Variants in EPB41L4A observed in about 807,000 individuals in gnomAD.
EPB41L4A encodes the protein band 4.1-like protein 4A.
Under a neutral mutation model 108.6 loss-of-function variants are expected in EPB41L4A, and 100 were observed. That is an observed-to-expected ratio of 0.92 (90% CI 0.78 to 1.09). The LOEUF (loss-of-function observed/expected upper bound fraction) is 1.09, where lower values mean the gene tolerates loss of function less well. Among genes scored for constraint, EPB41L4A ranks in the 50% least tolerant of loss-of-function variants. The pLI, the probability that EPB41L4A is intolerant of heterozygous loss-of-function variation, is 0.00. For synonymous variants in EPB41L4A, 319 were observed against 289.0 expected (o/e 1.10, Z -1.05); for missense variants, 1,030 against 842.7 (o/e 1.22, Z -2.75).
chr5:112,170,922 TAAGA>T lies in EPB41L4A; in HGVS notation c.1670+19_1670+22del, dbSNP rs1460824097. 14 of 1,607,078 alleles carry T rather than the reference TAAGA, an allele frequency of 8.7e-6. No individual in the cohort carries two copies. The highest frequency in any genetic ancestry group is 4.0e-5 in the African/African-American group (3 of 74,682). On this transcript the variant is annotated intron_variant, in intron 19 of 22. Coordinates refer to ENST00000261486, the MANE Select transcript of EPB41L4A (RefSeq NM_022140.5). ...TAAAACTACATGGGTTTTAAAACAA[TAAGA>T]AAGAAAACTATTACTCACTGAATGT...
intron 2 of EPB41L4A, among the ~76,000 whole-genome samples, chr5:112,282,135 C>T (rs1753002587): frequency 6.6e-6 from 1 of 152,060 alleles, no homozygotes; most frequent in Non-Finnish European, 1.5e-5. Context: ...CTCTTGGAGC[C>T]CACAGCGACT....
chr5:112,165,143 A>G (rs542437030), intron 22 of EPB41L4A, 25 bp from the exon 23 acceptor site: 2 of 1,526,726 alleles, frequency 1.3e-6, no homozygotes, highest in African/African-American at 2.8e-5. Context: ...AAAAATGTAG[A>G]AAGATTCAGA....
chr5:112,227,827 A>G (rs1748578894), intron 12 of EPB41L4A, among the ~76,000 whole-genome samples: 2 of 152,236 alleles, frequency 1.3e-5, no homozygotes, highest in Admixed American at 6.5e-5. Flanking sequence ...GTACTTCATT[A>G]TATCGAATAA....
At chr5:112,304,369 G>A (rs1183973424) in intron 2 of EPB41L4A, among the ~76,000 whole-genome samples, 1 of 152,120 alleles carries the variant, frequency 6.6e-6, no homozygotes, top group Non-Finnish European at 1.5e-5. Context: ...GGAATTTTCT[G>A]TAAGTCAAAC....
intron 1 of EPB41L4A, among the ~76,000 whole-genome samples, chr5:112,322,577 C>T (rs992508001): frequency 2.0e-5 from 3 of 152,058 alleles, no homozygotes; most frequent in African/African-American, 4.8e-5. Flanking sequence ...CTAATCCTAC[C>T]GACCCCAGCA....
chr5:112,382,866 T>G (rs1248722009), intron 1 of EPB41L4A, among the ~76,000 whole-genome samples: 1 of 152,234 alleles, frequency 6.6e-6, no homozygotes, highest in African/African-American at 2.4e-5. Flanking sequence ...ACTGCATCTA[T>G]TATTTGTTAT....
intron 1 of EPB41L4A, among the ~76,000 whole-genome samples, chr5:112,369,259 T>G (rs1759332865): frequency 6.6e-6 from 1 of 152,172 alleles, no homozygotes. Flanking sequence ...CCACACCAAC[T>G]TCCCCTGTAC....
chr5:112,205,659 G>A (rs1479110226), intron 13 of EPB41L4A, among the ~76,000 whole-genome samples, 155 bp from the exon 14 acceptor site: 3 of 152,138 alleles, frequency 2.0e-5, no homozygotes, highest in South Asian at 2.1e-4. Context: ...ACATGAAGTC[G>A]CTGCCCATAA....
chr5:112,343,848 A>G (rs1386546357), intron 1 of EPB41L4A, among the ~76,000 whole-genome samples: 1 of 152,252 alleles, frequency 6.6e-6, no homozygotes, highest in African/African-American at 2.4e-5. Flanking sequence ...CAAACTATTA[A>G]AAATACATAA....
intron 1 of EPB41L4A, among the ~76,000 whole-genome samples, chr5:112,337,372 A>G (rs1580711332): frequency 6.6e-6 from 1 of 152,212 alleles, no homozygotes; most frequent in South Asian, 2.1e-4. Flanking sequence ...CTGGGTATCT[A>G]CCATATATCA....
downstream of EPB41L4A, among the ~76,000 whole-genome samples, chr5:112,157,840 G>A (rs1230902474): frequency 1.3e-5 from 2 of 152,180 alleles, no homozygotes; most frequent in Non-Finnish European, 2.9e-5. Context: ...CTTCCACACA[G>A]GGAAACCCAG....
At position 112,162,861 on chromosome 5, in the gene EPB41L4A, C is replaced by T. The variant is rs556510792; in HGVS notation, c.*2129G>A. 5.9e-5 allele frequency: 9 copies of T among 152,298 alleles called. No individual in the cohort carries two copies. The highest frequency in any genetic ancestry group is 8.8e-5 in the Non-Finnish European group (6 of 68,032). The allele number at this position is 152,298 out of a possible 1,614,324, so 9.4% of individuals were successfully genotyped here. On this transcript the variant is annotated 3_prime_UTR_variant, in exon 23 of 23. Transcript: ENST00000261486. ...GGCAAAACTGGGGGAATGACATATA[C>T]AGAGGCTTGGGCTAGAAAAAAGATA... is the stretch of plus-strand genomic sequence containing the variant.
chr5:112,261,856 TTCTG>T (rs1751509984), intron 7 of EPB41L4A, among the ~76,000 whole-genome samples: 1 of 152,090 alleles, frequency 6.6e-6, no homozygotes, highest in African/African-American at 2.4e-5. Context: ...TCCTCCTGTT[TTCTG>T]TCTAATACAG....
At chr5:112,234,599 G>T in intron 12 of EPB41L4A, 35 bp downstream of exon 12, 1 of 1,605,530 alleles carries the variant, frequency 6.2e-7, no homozygotes, top group South Asian at 1.1e-5. Context: ...AGGAAAACAA[G>T]GTTACATAGA....
At chr5:112,398,699 G>A (rs1761540926) in intron 1 of EPB41L4A, among the ~76,000 whole-genome samples, 1 of 152,022 alleles carries the variant, frequency 6.6e-6, no homozygotes, top group African/African-American at 2.4e-5. Context: ...CCTAGAAGGT[G>A]GGTTTTCTTT....
At chr5:112,336,985 C>G (rs903519830) in intron 1 of EPB41L4A, among the ~76,000 whole-genome samples, 1 of 152,152 alleles carries the variant, frequency 6.6e-6, no homozygotes, top group Admixed American at 6.5e-5. Flanking sequence ...AGTTATTTCA[C>G]AGTGCCATTG....
At chr5:112,151,346 CTTG>C (rs964525985) in intron 12 of EPB41L4A, among the ~76,000 whole-genome samples, 18 of 149,170 alleles carry the variant, frequency 1.2e-4, no homozygotes, top group Non-Finnish European at 7.4e-5. Context: ...TTCTAAGGTC[CTTG>C]TTTTTTTTTT....
intron 12 of EPB41L4A, among the ~76,000 whole-genome samples, chr5:112,148,927 A>G (rs1016631231): frequency 2.0e-5 from 3 of 152,166 alleles, no homozygotes; most frequent in African/African-American, 7.2e-5. Flanking sequence ...TATATCTTCC[A>G]TTTCATTGAC....
At chr5:112,151,731 CT>C (rs113895586) in intron 12 of EPB41L4A, among the ~76,000 whole-genome samples, 86 of 147,546 alleles carry the variant, frequency 5.8e-4, no homozygotes, top group Middle Eastern at 3.5e-3. Context: ...TATATTTAGT[CT>C]TTTTTTTTTT....
Sources: allele counts gnomAD v4.1 joint callset (sites outside exome capture counted in the v4.1 genomes callset), GRCh38; gene constraint gnomAD v4.1.1; transcripts MANE v1.5; gene names NCBI Gene and HGNC (gene_info 2026-07-23, HGNC 2026-07-21).